The following TRPM1 variants were observed in gnomAD, a reference collection of about 807,000 sequenced individuals.
TRPM1 encodes the protein transient receptor potential cation channel subfamily M member 1.
In TRPM1, 113 loss-of-function variants were observed where a neutral mutation model predicts 149.4. The ratio of observed to expected loss-of-function variants is 0.76; its 90% CI spans 0.65 to 0.88. The LOEUF (loss-of-function observed/expected upper bound fraction) is 0.88, where lower values mean the gene tolerates loss of function less well. TRPM1 is among the 40% of genes least tolerant of loss of function. The probability of loss-of-function intolerance (pLI) is 0.00; values close to 1 mark genes in which losing one functional copy is unlikely to be tolerated. For missense variants in TRPM1, 1,976 were observed against 2,038.7 expected, an observed-to-expected ratio of 0.97 and a Z score of 0.59; for synonymous variants, 741 against 759.5, an observed-to-expected ratio of 0.98 and a Z score of 0.40.
intron 16 of TRPM1, among the ~76,000 whole-genome samples, chr15:31,042,524 C>A (rs754238567): frequency 6.6e-6 from 1 of 152,152 alleles, no homozygotes; most frequent in Non-Finnish European, 1.5e-5. Context: ...ACTGAGGCGA[C>A]GCTGCAAAAC....
intron 1 of TRPM1, among the ~76,000 whole-genome samples, chr15:31,136,698 G>C (rs1002539411): frequency 6.6e-6 from 1 of 150,584 alleles, no homozygotes; most frequent in African/African-American, 2.4e-5. Context: ...ACTTTGAAAA[G>C]ACCAATCTGC....
upstream of TRPM1, among the ~76,000 whole-genome samples, chr15:31,104,070 C>A (rs1341374721): frequency 6.6e-6 from 1 of 151,572 alleles, no homozygotes; most frequent in East Asian, 1.9e-4. Flanking sequence ...GTCTGAGAAT[C>A]ATTATGTGTC....
At chr15:31,124,737 C>A in intron 1 of TRPM1, among the ~76,000 whole-genome samples, 1 of 150,342 alleles carries the variant, frequency 6.7e-6, no homozygotes, top group African/African-American at 2.5e-5. Flanking sequence ...ATTATAGAGA[C>A]ATTAAAAAGA....
At chr15:31,033,359 A>G (rs575017597) in intron 21 of TRPM1, among the ~76,000 whole-genome samples, 2 of 152,330 alleles carry the variant, frequency 1.3e-5, no homozygotes, top group South Asian at 4.1e-4. Flanking sequence ...CCACTAGGAA[A>G]TGTTTTGATT....
At chr15:31,113,760 C>G (rs561910240) in intron 1 of TRPM1, among the ~76,000 whole-genome samples, 2 of 152,252 alleles carry the variant, frequency 1.3e-5, no homozygotes, top group African/African-American at 4.8e-5. Context: ...GCGGACCTTC[C>G]CGGTGAGTGT....
intron 13 of TRPM1, 55 bp downstream of exon 13, chr15:31,049,320 C>A (rs982815587): frequency 1.7e-5 from 27 of 1,612,990 alleles, no homozygotes; most frequent in Non-Finnish European, 2.3e-5. Flanking sequence ...GCACCAGTGA[C>A]AAACACATTT....
At chr15:31,113,443 T>TTC (rs2035737161) in intron 1 of TRPM1, among the ~76,000 whole-genome samples, 1 of 144,176 alleles carries the variant, frequency 6.9e-6, no homozygotes. Context: ...TTTTTTTTTT[T>TTC]TCAAAATCTC....
chr15:31,030,857 T>C, intron 23 of TRPM1, 126 bp downstream of exon 23: 1 of 1,028,870 alleles, frequency 9.7e-7, no homozygotes, highest in South Asian at 1.4e-5. Flanking sequence ...TAAAATAATT[T>C]GATGCCTATG....
In TRPM1 at chr15:31,106,991, T is replaced by C. The variant is rs113647805; in HGVS notation, c.55-30007A>G. On this transcript the variant is annotated intron_variant, in intron 1 of 26. Coordinates refer to the TRPM1 transcript ENST00000542188. ...CTTATTAAGAAACGGTTTCTCAATA[T>C]AGTTTTGCAATATAGTTGTCTTCAT... is the stretch of plus-strand genomic sequence containing the variant. Among the ~76,000 whole-genome samples the C allele has an allele frequency of 4.1e-3, 630 of 152,350 alleles. 7 individuals carry two copies. The highest frequency in any genetic ancestry group is 4.1e-3 in the Non-Finnish European group (276 of 68,032).
intron 16 of TRPM1, among the ~76,000 whole-genome samples, chr15:31,044,047 G>T (rs2033694947): frequency 6.6e-6 from 1 of 152,018 alleles, no homozygotes; most frequent in African/African-American, 2.4e-5. Flanking sequence ...TTCTATACAA[G>T]GAATAAACTT....
chr15:31,153,797 G>A (rs1197524834), intron 1 of TRPM1, among the ~76,000 whole-genome samples: 1 of 152,180 alleles, frequency 6.6e-6, no homozygotes, highest in African/African-American at 2.4e-5. Context: ...CCTGTGTCAC[G>A]GGCATGTTAT....
Position 31,068,142 on chromosome 15 carries a change from G to T in TRPM1, c.280-50C>A, listed in dbSNP as rs116505327. The T allele has an allele frequency of 3.4e-3, 5,095 of 1,519,946 alleles. 161 individuals carry two copies. The African/African-American group carries it at 0.059, about 18-fold the overall frequency. 94.2% of individuals were successfully genotyped at this position (1,519,946 alleles called of 1,614,324 possible). ...GCCTCTGTTCTTGGTTTTGCTTCTCGTGTCAAAGGGGAGTGAGGCTATTGC... is the reference window on the plus strand; with the variant it reads ...GCCTCTGTTCTTGGTTTTGCTTCTCTTGTCAAAGGGGAGTGAGGCTATTGC... On this transcript the variant is annotated intron_variant, in intron 4 of 27. Coordinates refer to ENST00000256552, the MANE Select transcript of TRPM1 (RefSeq NM_001252024.2).
intron 1 of TRPM1, among the ~76,000 whole-genome samples, chr15:31,111,916 T>C (rs2035695075): frequency 6.6e-6 from 1 of 152,198 alleles, no homozygotes; most frequent in Non-Finnish European, 1.5e-5. Flanking sequence ...AAAATTTGGC[T>C]GTACCTAGTA....
At chr15:31,026,820 C>G (rs1434534909) in intron 26 of TRPM1, 95 bp downstream of exon 26, 3 of 1,330,462 alleles carry the variant, frequency 2.3e-6, no homozygotes, top group Admixed American at 1.7e-5. Context: ...GCTTTTCACA[C>G]GAGCAAGTAG....
intron 27 of TRPM1, among the ~76,000 whole-genome samples, chr15:31,009,757 A>C (rs1277788402): frequency 6.6e-6 from 1 of 152,026 alleles, no homozygotes; most frequent in African/African-American, 2.4e-5. Context: ...GTTCAAATTG[A>C]GTAATTTTCT....
Position 31,047,889 on chromosome 15 carries a change from C to T in TRPM1, c.1623G>A (p.Lys541=), listed in dbSNP as rs751094211. The T allele has an allele frequency of 1.2e-6, 2 of 1,612,820 alleles. No individual in the cohort carries two copies. The highest frequency in any genetic ancestry group is 1.7e-6 in the Non-Finnish European group (2 of 1,178,808). ...AAGAATTGTAAAACAGTAGACTGAC[C>T]TTTTTCACATCCCTCACCAGCAGAT... The part of the protein sequence containing the change: ...TLHLLVRDVK[K]SNLPPDYHIS... Residue 541 remains lysine (K), a splice_region_variant and synonymous_variant, in exon 14 of 28, where the codon AAG becomes AAA. Transcript: ENST00000256552.
intron 25 of TRPM1, among the ~76,000 whole-genome samples, 194 bp downstream of exon 25, chr15:31,028,134 TTAAG>T (rs1838074309): frequency 6.6e-6 from 1 of 152,218 alleles, no homozygotes; most frequent in African/African-American, 2.4e-5. Context: ...TTAAATGTAT[TTAAG>T]TGTCAACTCT....
In TRPM1 at chr15:31,002,946, C is replaced by A. The variant is rs780804731; in HGVS notation, c.3754G>T (p.Ala1252Ser). Residue 1252 changes from alanine (A) to serine (S), a missense_variant, in exon 28 of 28, where the codon GCT becomes TCT. By Grantham distance (99) the Ala-to-Ser change is moderately conservative. This residue lies in a region of TRPM1 where 572 missense variants were observed against 578.9 expected (regional missense o/e 0.99). Coordinates refer to ENST00000256552, the MANE Select transcript of TRPM1 (RefSeq NM_001252024.2). ...LEELSNRMVN[A>S]LENLAGIDRS... ...TCGATTCCCGCAAGATTTTCAAGAG[C>A]ATTCACCATTCTGTTAGATAATTCT... The A allele has an allele frequency of 6.2e-7, 1 of 1,601,622 alleles. No individual in the cohort carries two copies. The highest frequency in any genetic ancestry group is 8.5e-7 in the Non-Finnish European group (1 of 1,172,582).
At chr15:31,073,443 C>T (rs1034369083) in intron 3 of TRPM1, among the ~76,000 whole-genome samples, 1 of 151,970 alleles carries the variant, frequency 6.6e-6, no homozygotes, top group African/African-American at 2.4e-5. Flanking sequence ...AATGTGAGTC[C>T]TCCTATTATT....
Sources: allele counts gnomAD v4.1 joint callset (sites outside exome capture counted in the v4.1 genomes callset), GRCh38; gene constraint gnomAD v4.1.1; regional missense constraint gnomAD v4.1.1; transcripts MANE v1.5; gene names NCBI Gene and HGNC (gene_info 2026-07-23, HGNC 2026-07-21).